The following HSD17B6 variants were observed in gnomAD, a reference collection of about 807,000 sequenced individuals.
The protein encoded by HSD17B6 is hydroxysteroid 17-beta dehydrogenase 6, also known as 17-beta-hydroxysteroid dehydrogenase type 6.
Under a neutral mutation model 26.4 loss-of-function variants are expected in HSD17B6, and 16 were observed. The observed-to-expected ratio is 0.61, with a 90% CI of 0.41 to 0.92. The LOEUF (loss-of-function observed/expected upper bound fraction) is 0.92, where lower values mean the gene tolerates loss of function less well. Ranked by LOEUF, HSD17B6 falls within the 40% of genes least tolerant of loss-of-function variation. HSD17B6 has a pLI of 0.00. For synonymous variants in HSD17B6, 139 were observed against 153.0 expected (o/e 0.91, Z 0.68); for missense variants, 357 against 386.1 (o/e 0.92, Z 0.63).
At chr12:56,767,474 G>A (rs1028839059) in intron 1 of HSD17B6, among the ~76,000 whole-genome samples, 12 of 150,356 alleles carry the variant, frequency 8.0e-5, no homozygotes, top group East Asian at 1.9e-4. Context: ...CCGAGATCGC[G>A]CTACTGCACT....
At chr12:56,780,121 C>A (rs372648495) in intron 2 of HSD17B6, among the ~76,000 whole-genome samples, 8 of 152,168 alleles carry the variant, frequency 5.3e-5, no homozygotes, top group Non-Finnish European at 8.8e-5. Flanking sequence ...TCCTTTCTGG[C>A]TATTTAAGGA....
chr12:56,784,890 G>C lies in HSD17B6; in HGVS notation c.610G>C (p.Val204Leu). 1 of 1,614,054 alleles carries C rather than the reference G, an allele frequency of 6.2e-7. No individual in the cohort carries two copies. Among genetic ancestry groups the C allele is most frequent in the Non-Finnish European group, 8.5e-7 (1 of 1,180,020 alleles). Residue 204 changes from valine (V) to leucine (L), a missense_variant, in exon 4 of 5, where the codon GTT becomes CTT. By Grantham distance (32) the Val-to-Leu change is conservative (BLOSUM62 1). Transcript: ENST00000322165. ...IQHFGVKISI[V>L]EPGYFRTGMT... ...ACATTTTGGGGTGAAAATCAGCATA[G>C]TTGAACCTGGCTACTTCAGAACGGG...
rs1423732033 is a variant in HSD17B6 at position 56,774,016 on chromosome 12, G to C, written c.164G>C (p.Arg55Thr). ...AGACAGCTGGATGCACGAGGCTTGA[G>C]AGTGCTGGCTGCGTGTCTGACGGAG... ...LARQLDARGL[R>T]VLAACLTEKG... Residue 55 changes from arginine (R) to threonine (T), a missense_variant, in exon 2 of 5, where the codon AGA becomes ACA. Physicochemically the swap from Arg to Thr is moderately conservative, Grantham distance 71. Transcript: ENST00000322165. The C allele has an allele frequency of 5.6e-6, 9 of 1,614,050 alleles. No individual in the cohort carries two copies. Among genetic ancestry groups the C allele is most frequent in the Admixed American group, 1.7e-5 (1 of 59,996 alleles).
chr12:56,779,686 A>G (rs1230873648), intron 2 of HSD17B6, among the ~76,000 whole-genome samples: 2 of 152,174 alleles, frequency 1.3e-5, no homozygotes, highest in Admixed American at 1.3e-4. Context: ...AGGCCCTCAG[A>G]ACACTCACAT....
chr12:56,773,997 C>T lies in HSD17B6; in HGVS notation c.145C>T (p.Leu49=), dbSNP rs1283297697. Residue 49 remains leucine (L), a synonymous_variant, in exon 2 of 5, where the codon CTG becomes TTG. Transcript: ENST00000322165. The part of the protein sequence containing the change: ...SGFGNLLARQ[L]DARGLRVLAA... Reference sequence around the variant, plus strand: ...CTTTGGGAACCTGCTGGCCAGACAGCTGGATGCACGAGGCTTGAGAGTGCT... The same window carrying T: ...CTTTGGGAACCTGCTGGCCAGACAGTTGGATGCACGAGGCTTGAGAGTGCT... 1 of 1,613,950 alleles carries T rather than the reference C, an allele frequency of 6.2e-7. No homozygotes were observed. Among genetic ancestry groups the T allele is most frequent in the African/African-American group, 1.3e-5 (1 of 74,872 alleles).
At chr12:56,783,599 C>T (rs1412490563) in intron 3 of HSD17B6, among the ~76,000 whole-genome samples, 1 of 144,532 alleles carries the variant, frequency 6.9e-6, no homozygotes, top group Non-Finnish European at 1.5e-5. Context: ...GGCTGACCCC[C>T]CCACCTCCCT....
intron 2 of HSD17B6, among the ~76,000 whole-genome samples, chr12:56,781,241 AT>A (rs1255667760): frequency 6.6e-6 from 1 of 151,942 alleles, no homozygotes; most frequent in African/African-American, 2.4e-5. Flanking sequence ...CATATGTTAC[AT>A]GTTTTTACTT....
chr12:56,786,969 C>G (rs1954888182), intron 4 of HSD17B6, among the ~76,000 whole-genome samples, 156 bp from the exon 5 acceptor site: 2 of 152,086 alleles, frequency 1.3e-5, no homozygotes, highest in African/African-American at 4.8e-5. Flanking sequence ...TTTAAGTGCT[C>G]AATAGCTACA....
At chr12:56,782,391 C>G (rs10876920) in intron 3 of HSD17B6, among the ~76,000 whole-genome samples, 159 bp downstream of exon 3, 1 of 152,044 alleles carries the variant, frequency 6.6e-6, no homozygotes, top group Non-Finnish European at 1.5e-5. Flanking sequence ...CAAATTTTCT[C>G]ATCTGTCCCA....
intron 2 of HSD17B6, among the ~76,000 whole-genome samples, chr12:56,777,455 C>T (rs1368593971): frequency 1.3e-5 from 2 of 151,182 alleles, no homozygotes; most frequent in Non-Finnish European, 2.9e-5. Context: ...AACTCCGCCT[C>T]CCAGGTTCAA....
intron 3 of HSD17B6, among the ~76,000 whole-genome samples, chr12:56,783,584 G>GT (rs1565923256): frequency 7.1e-6 from 1 of 140,714 alleles, no homozygotes; most frequent in East Asian, 2.2e-4. Flanking sequence ...GGCTGGCCGG[G>GT]CGGGGGCTGA....
intron 3 of HSD17B6, among the ~76,000 whole-genome samples, chr12:56,783,297 C>A (rs542552807): frequency 0.017 from 2,400 of 144,792 alleles, 43 homozygotes; most frequent in South Asian, 0.049. Flanking sequence ...CCGGACGGGG[C>A]GGCTGGCCAG....
intron 2 of HSD17B6, among the ~76,000 whole-genome samples, chr12:56,780,646 C>A (rs144612132): frequency 0.02 from 3,020 of 151,992 alleles, 46 homozygotes; most frequent in South Asian, 0.052. Flanking sequence ...ATCACGAGGT[C>A]AGGAGATCGA....
At position 56,774,016 on chromosome 12, in the gene HSD17B6, G is replaced by A. The variant is rs1423732033; in HGVS notation, c.164G>A (p.Arg55Lys). 6.2e-7 allele frequency: 1 copy of A among 1,614,168 alleles called. No individual in the cohort carries two copies. The highest frequency in any genetic ancestry group is 8.5e-7 in the Non-Finnish European group (1 of 1,180,024). Residue 55 changes from arginine (R) to lysine (K), a missense_variant, in exon 2 of 5, where the codon AGA becomes AAA. Arg to Lys is a conservative substitution (Grantham distance 26). Transcript: ENST00000322165. The stretch of plus-strand genomic sequence containing the variant: ...AGACAGCTGGATGCACGAGGCTTGA[G>A]AGTGCTGGCTGCGTGTCTGACGGAG... The part of the protein sequence containing the change: ...LARQLDARGL[R>K]VLAACLTEKG...
intron 1 of HSD17B6, among the ~76,000 whole-genome samples, chr12:56,764,988 C>T (rs1954290627): frequency 6.6e-6 from 1 of 152,114 alleles, no homozygotes. Flanking sequence ...TCACACCTGA[C>T]TAATTTTTGT....
chr12:56,771,176 G>A (rs903112452), intron 1 of HSD17B6, among the ~76,000 whole-genome samples: 4 of 152,156 alleles, frequency 2.6e-5, no homozygotes. Context: ...ACAGTCTAAA[G>A]CTCTTCCTAT....
At chr12:56,783,629 C>T (rs1343552711) in intron 3 of HSD17B6, among the ~76,000 whole-genome samples, 4 of 71,766 alleles carry the variant, frequency 5.6e-5, no homozygotes, top group Non-Finnish European at 8.2e-5. Context: ...AGCGGCTGGC[C>T]GGGTGGGGGG....
intron 1 of HSD17B6, among the ~76,000 whole-genome samples, chr12:56,764,923 C>T (rs969853709): frequency 6.6e-6 from 1 of 152,124 alleles, no homozygotes; most frequent in African/African-American, 2.4e-5. Flanking sequence ...CTCCCAGGTT[C>T]AAGCTATTCT....
intron 3 of HSD17B6, among the ~76,000 whole-genome samples, chr12:56,783,347 G>A (rs1419491272): frequency 2.2e-5 from 3 of 135,892 alleles, no homozygotes; most frequent in African/African-American, 5.5e-5. Context: ...CGGACGGGGC[G>A]GCTGGCCGGG....
Sources: allele counts gnomAD v4.1 joint callset (sites outside exome capture counted in the v4.1 genomes callset), GRCh38; gene constraint gnomAD v4.1.1; transcripts MANE v1.5; gene names NCBI Gene and HGNC (gene_info 2026-07-23, HGNC 2026-07-21).